Variants in DPP6 observed in about 807,000 individuals in gnomAD.
DPP6 encodes the protein dipeptidyl peptidase like 6.
In DPP6, 69 loss-of-function variants were observed where a neutral mutation model predicts 122.6. The ratio of observed to expected loss-of-function variants is 0.56; its 90% CI spans 0.46 to 0.69. The LOEUF (loss-of-function observed/expected upper bound fraction) is 0.69, where lower values mean the gene tolerates loss of function less well. Ranked by LOEUF, DPP6 falls within the 30% of genes least tolerant of loss-of-function variation. DPP6 has a pLI of 0.00. For synonymous variants in DPP6, 418 were observed against 433.1 expected (o/e 0.97, Z 0.43); for missense variants, 928 against 1,116.9 (o/e 0.83, Z 2.41).
At chr7:154,572,756 T>C (rs1249112574) in intron 5 of DPP6, among the ~76,000 whole-genome samples, 1 of 151,158 alleles carries the variant, frequency 6.6e-6, no homozygotes, top group African/African-American at 2.4e-5. Context: ...CTCAGCTCAC[T>C]GCAACCTCCA....
At chr7:154,880,792 C>G in intron 20 of DPP6, 96 bp from the exon 21 acceptor site, 1 of 1,604,112 alleles carries the variant, frequency 6.2e-7, no homozygotes. Context: ...GGGTTTTCAT[C>G]CTTGAAATGG....
At chr7:154,347,775 G>T (rs913721606) in intron 1 of DPP6, among the ~76,000 whole-genome samples, 5 of 152,208 alleles carry the variant, frequency 3.3e-5, no homozygotes, top group Admixed American at 6.5e-5. Flanking sequence ...GGTAACACAA[G>T]AATGGGATGC....
intron 1 of DPP6, among the ~76,000 whole-genome samples, chr7:154,149,657 A>G (rs1278289632): frequency 6.6e-6 from 1 of 152,044 alleles, no homozygotes; most frequent in Non-Finnish European, 1.5e-5. Context: ...AAATGGATGG[A>G]TGAAGAAGAA....
At position 154,580,694 on chromosome 7, in the gene DPP6, G is replaced by T. The variant is rs554593880; in HGVS notation, c.627+13778G>T. ...AGACGTGAGAGGACAAGAGGCTTGA[G>T]TCAGGGAAGGCCGACGGAGAAGAAA... On this transcript the variant is annotated intron_variant, in intron 5 of 25. Transcript: ENST00000377770. Among the ~76,000 whole-genome samples, 3 of 152,312 alleles carry T rather than the reference G, an allele frequency of 2.0e-5. No individual in the cohort carries two copies. In the South Asian group the frequency reaches 6.2e-4, roughly 32 times the overall value.
chr7:154,278,996 G>A (rs986362175), intron 1 of DPP6, among the ~76,000 whole-genome samples: 1 of 151,796 alleles, frequency 6.6e-6, no homozygotes, highest in African/African-American at 2.4e-5. Flanking sequence ...TGCAGTTGAT[G>A]TGTTTGGGGG....
chr7:154,527,046 G>A (rs1387831781), intron 3 of DPP6, among the ~76,000 whole-genome samples: 2 of 152,154 alleles, frequency 1.3e-5, no homozygotes, highest in African/African-American at 2.4e-5. Flanking sequence ...CTTTATTTAC[G>A]TTATAGCTGC....
chr7:154,369,269 A>G (rs1201099156), intron 1 of DPP6, among the ~76,000 whole-genome samples: 1 of 151,806 alleles, frequency 6.6e-6, no homozygotes, highest in East Asian at 1.9e-4. Context: ...TAGTTTTTGT[A>G]TTTTTAGTAG....
the DPP6 span, among the ~76,000 whole-genome samples, chr7:153,818,535 TAAC>T: frequency 6.6e-6 from 1 of 152,174 alleles, no homozygotes; most frequent in South Asian, 2.1e-4. Flanking sequence ...ATCAGTGAAT[TAAC>T]AACACAAAAT....
intron 1 of DPP6, among the ~76,000 whole-genome samples, chr7:154,364,011 T>C (rs1163929175): frequency 3.9e-5 from 6 of 152,198 alleles, no homozygotes; most frequent in Non-Finnish European, 7.3e-5. Flanking sequence ...GGGAGTGTGT[T>C]GTCTGTCCAG....
chr7:154,736,644 G>A (rs547373295), intron 8 of DPP6, among the ~76,000 whole-genome samples: 29 of 152,244 alleles, frequency 1.9e-4, no homozygotes, highest in East Asian at 7.7e-4. Flanking sequence ...AGCTCTTGTC[G>A]TCTGTATCAA....
intron 3 of DPP6, among the ~76,000 whole-genome samples, chr7:154,499,512 A>G (rs906386694): frequency 1.3e-5 from 2 of 152,168 alleles, no homozygotes; most frequent in African/African-American, 2.4e-5. Context: ...TTAATTGGCC[A>G]TTGCTTAAGA....
chr7:154,357,834 C>T (rs963076100), intron 1 of DPP6, among the ~76,000 whole-genome samples: 6 of 151,594 alleles, frequency 4.0e-5, no homozygotes, highest in African/African-American at 7.3e-5. Flanking sequence ...CCCAACTACT[C>T]GGGAGGCTGA....
chr7:154,193,138 T>G (rs534671638), intron 1 of DPP6, among the ~76,000 whole-genome samples: 34 of 152,332 alleles, frequency 2.2e-4, no homozygotes, highest in Middle Eastern at 3.4e-3. Flanking sequence ...TCATGGCTAT[T>G]TACATGCAAA....
chr7:153,901,268 G>A (rs1010590701), intron 1 of DPP6, among the ~76,000 whole-genome samples: 1 of 152,164 alleles, frequency 6.6e-6, no homozygotes, highest in Non-Finnish European at 1.5e-5. Flanking sequence ...GCTTAGAAAT[G>A]TTTTAGGTCC....
intron 4 of DPP6, among the ~76,000 whole-genome samples, chr7:154,544,153 T>A (rs1017069149): frequency 9.6e-5 from 14 of 145,944 alleles, no homozygotes; most frequent in East Asian, 7.9e-4. Context: ...TATATATATT[T>A]TATATATATA....
chr7:154,150,697 G>C (rs1416044698), intron 1 of DPP6, among the ~76,000 whole-genome samples: 2 of 152,206 alleles, frequency 1.3e-5, no homozygotes, highest in Non-Finnish European at 2.9e-5. Context: ...CCTGAGAGCG[G>C]CTGCACAGTC....
At chr7:154,580,362 C>T (rs1586673164) in intron 5 of DPP6, among the ~76,000 whole-genome samples, 2 of 152,302 alleles carry the variant, frequency 1.3e-5, no homozygotes. Context: ...GCAGTGCACT[C>T]GGGCATAACT....
intron 1 of DPP6, among the ~76,000 whole-genome samples, chr7:153,948,050 AT>A (rs376897232): frequency 8.5e-4 from 130 of 152,294 alleles, no homozygotes; most frequent in African/African-American, 2.7e-3. Flanking sequence ...CGGTGACCTC[AT>A]GGTAACCTAG....
intron 1 of DPP6, among the ~76,000 whole-genome samples, chr7:153,942,455 G>A (rs1000874612): frequency 7.2e-5 from 11 of 152,212 alleles, no homozygotes; most frequent in African/African-American, 2.7e-4. Context: ...CAGAGGCATT[G>A]GCTGGAATTG....
Sources: gnomAD v4.1 joint callset for allele counts (sites outside exome capture counted in the v4.1 genomes callset) on GRCh38, gnomAD v4.1.1 for gene constraint, MANE v1.5 for transcripts, NCBI Gene and HGNC (gene_info 2026-07-23, HGNC 2026-07-21) for gene names.